Variants in FHIT observed in about 807,000 individuals in gnomAD.
FHIT encodes bis(5'-adenosyl)-triphosphatase.
A neutral mutation model predicts 17.9 loss-of-function variants in FHIT; 19 were observed. The observed-to-expected ratio is 1.06, with a 90% confidence interval of 0.74 to 1.56. The LOEUF (loss-of-function observed/expected upper bound fraction) is 1.56. FHIT is among the 40% of genes most tolerant of loss of function. The pLI is 0.00. For missense variants in FHIT, 248 were observed against 189.2 expected (o/e 1.31, Z -1.82); for synonymous variants, 81 against 69.7 (o/e 1.16, Z -0.81).
chr3:60,147,863 A>C lies in FHIT; in HGVS notation c.104-133711T>G, dbSNP rs1173175401. Among the ~76,000 whole-genome samples, 3 of 152,146 alleles carry C rather than the reference A, an allele frequency of 2.0e-5. No homozygotes were observed. In the South Asian group the frequency reaches 6.2e-4, roughly 32 times the overall value. ...GAAACAAGTCTAGGCCTATTTGTGC[A>C]TTTCTTTCTTTCACCATGGGACTCA... On this transcript the variant is annotated intron_variant, in intron 5 of 9. Transcript: ENST00000492590.
chr3:59,774,027 T>C (rs1013104808), intron 8 of FHIT, among the ~76,000 whole-genome samples: 3 of 152,256 alleles, frequency 2.0e-5, no homozygotes, highest in Non-Finnish European at 4.4e-5. Context: ...TTTTATCTGT[T>C]TTTTTAATAT....
intron 8 of FHIT, among the ~76,000 whole-genome samples, chr3:59,759,227 C>T (rs2605437): frequency 0.25 from 37,839 of 151,736 alleles, 5,601 homozygotes; most frequent in African/African-American, 0.41. Context: ...AGATCATTTG[C>T]ACCCTGTGGG....
intron 5 of FHIT, among the ~76,000 whole-genome samples, chr3:60,469,254 C>G (rs1234940905): frequency 1.3e-5 from 2 of 152,130 alleles, no homozygotes; most frequent in Non-Finnish European, 2.9e-5. Flanking sequence ...TTCTCTCTCT[C>G]TCTCTGCCTC....
At chr3:60,892,467 C>T (rs911780167) in intron 3 of FHIT, among the ~76,000 whole-genome samples, 24 of 152,122 alleles carry the variant, frequency 1.6e-4, no homozygotes, top group Non-Finnish European at 2.6e-4. Flanking sequence ...GGGTAATTCC[C>T]TTGTCTTTTG....
chr3:60,616,714 C>T (rs1175470164), intron 4 of FHIT: 1 of 152,174 alleles, frequency 6.6e-6, no homozygotes, highest in Non-Finnish European at 1.5e-5. Context: ...CATACGCAGA[C>T]AGGAAATCTC....
chr3:59,887,275 T>C (rs1003042494), intron 8 of FHIT, among the ~76,000 whole-genome samples: 1 of 152,186 alleles, frequency 6.6e-6, no homozygotes, highest in African/African-American at 2.4e-5. Context: ...ATCTTTCCCA[T>C]GGCCCATCTC....
At chr3:61,187,364 T>G (rs956391586) in intron 2 of FHIT, among the ~76,000 whole-genome samples, 14 of 152,112 alleles carry the variant, frequency 9.2e-5, no homozygotes, top group African/African-American at 3.4e-4. Context: ...AGGGATGAAT[T>G]CAACAAGAAG....
chr3:59,887,865 G>C (rs1703692439), intron 8 of FHIT, among the ~76,000 whole-genome samples: 1 of 152,164 alleles, frequency 6.6e-6, no homozygotes, highest in South Asian at 2.1e-4. Flanking sequence ...CTTTCTCCAA[G>C]ATGTATTCCT....
At chr3:60,015,038 T>C (rs533680189) in intron 5 of FHIT, among the ~76,000 whole-genome samples, 1 of 151,258 alleles carries the variant, frequency 6.6e-6, no homozygotes, top group Non-Finnish European at 1.5e-5. Flanking sequence ...ACACTATATA[T>C]ATAAATATTT....
chr3:60,464,584 T>C (rs1477727937), intron 5 of FHIT, among the ~76,000 whole-genome samples: 2 of 152,118 alleles, frequency 1.3e-5, no homozygotes, highest in Non-Finnish European at 2.9e-5. Context: ...AAATTTTTAG[T>C]TCTCACAAAG....
intron 8 of FHIT, among the ~76,000 whole-genome samples, chr3:59,912,204 C>A (rs185181818): frequency 3.3e-5 from 5 of 152,322 alleles, no homozygotes; most frequent in African/African-American, 1.2e-4. Flanking sequence ...TTTGAGGTAT[C>A]TCCAACTAAT....
At chr3:59,964,430 C>T (rs1667066436) in intron 7 of FHIT, among the ~76,000 whole-genome samples, 1 of 152,124 alleles carries the variant, frequency 6.6e-6, no homozygotes, top group Non-Finnish European at 1.5e-5. Context: ...AGTACATTGA[C>T]ATCCATTACC....
intron 5 of FHIT, among the ~76,000 whole-genome samples, chr3:60,508,921 G>A (rs564086513): frequency 7.2e-5 from 11 of 152,264 alleles, no homozygotes; most frequent in African/African-American, 2.2e-4. Flanking sequence ...GGCTGATGAA[G>A]TAAAGACGAA....
intron 5 of FHIT, among the ~76,000 whole-genome samples, chr3:60,531,862 G>A (rs1291877943): frequency 4.6e-5 from 7 of 152,124 alleles, no homozygotes; most frequent in South Asian, 2.1e-4. Flanking sequence ...TTAATATTCC[G>A]TATTAAAAGA....
intron 4 of FHIT, among the ~76,000 whole-genome samples, chr3:60,669,767 A>G (rs1553693380): frequency 6.6e-6 from 1 of 152,228 alleles, no homozygotes; most frequent in African/African-American, 2.4e-5. Context: ...ATGTAAGACC[A>G]GGCCCCTGCT....
At chr3:60,973,216 G>GA (rs1308647146) in intron 3 of FHIT, among the ~76,000 whole-genome samples, 2 of 152,136 alleles carry the variant, frequency 1.3e-5, no homozygotes, top group Non-Finnish European at 2.9e-5. Context: ...TAGAGTACAG[G>GA]AAAATCATCT....
At position 61,092,163 on chromosome 3, in the gene FHIT, C is replaced by T. The variant is rs1348758089; in HGVS notation, c.-163-50064G>A. ...TTGGGCACTGCCTTGGTCACATGAC[C>T]ACTGCTTGGCCTGGGGAAGGCAAGG... is the stretch of plus-strand genomic sequence containing the variant. On this transcript the variant is annotated intron_variant, in intron 2 of 9. Coordinates refer to ENST00000492590, the MANE Select transcript of FHIT (RefSeq NM_002012.4). Among the ~76,000 whole-genome samples, 4 of 151,904 alleles carry T rather than the reference C, an allele frequency of 2.6e-5. No individual in the cohort carries two copies. The South Asian group carries it at 8.3e-4, about 32-fold the overall frequency.
At chr3:60,811,072 T>C (rs1158522481) in intron 4 of FHIT, among the ~76,000 whole-genome samples, 1 of 152,162 alleles carries the variant, frequency 6.6e-6, no homozygotes, top group African/African-American at 2.4e-5. Flanking sequence ...CAATAACATC[T>C]GCTTTGTATG....
chr3:60,223,877 C>T (rs763674495), intron 5 of FHIT, among the ~76,000 whole-genome samples: 1 of 152,086 alleles, frequency 6.6e-6, no homozygotes, highest in East Asian at 1.9e-4. Context: ...CAAGTCTCAT[C>T]TCCTCATTCT....
Sources: allele counts gnomAD v4.1 joint callset (sites outside exome capture counted in the v4.1 genomes callset), GRCh38; gene constraint gnomAD v4.1.1; transcripts MANE v1.5; gene names NCBI Gene and HGNC (gene_info 2026-07-23, HGNC 2026-07-21).